PPIH: variants seen among roughly 807,000 people sequenced by gnomAD.
The protein encoded by PPIH is peptidyl-prolyl cis-trans isomerase H.
Under a neutral mutation model 27.6 loss-of-function variants are expected in PPIH, and 16 were observed. The ratio of observed to expected loss-of-function variants is 0.58; its 90% CI spans 0.39 to 0.88. PPIH has a LOEUF of 0.88. PPIH is among the 40% of genes least tolerant of loss of function. The pLI is 0.00. For synonymous variants in PPIH, 63 were observed against 76.1 expected, an observed-to-expected ratio of 0.83 and a Z score of 0.90; for missense variants, 155 against 224.1, an observed-to-expected ratio of 0.69 and a Z score of 1.97.
Position 42,659,563 on chromosome 1 carries a change from A to G in PPIH, c.197A>G (p.His66Arg). 6.2e-7 allele frequency: 1 copy of G among 1,613,736 alleles called. No individual in the cohort carries two copies. The highest frequency in any genetic ancestry group is 8.5e-7 in the Non-Finnish European group (1 of 1,180,014). ...ATAGGATACAAAGGAAGCACCTTCC[A>G]CAGGTAAGGCTCTTGGCAAGCCATC... is the stretch of plus-strand genomic sequence containing the variant. The part of the protein sequence containing the change: ...VPIGYKGSTF[H>R]RVIKDFMIQG... The change falls in exon 4 of 10, where the codon CAC becomes CGC. Residue 66 changes from histidine to arginine, a missense_variant. His to Arg is a conservative substitution (Grantham distance 29). Coordinates refer to ENST00000304979, the MANE Select transcript of PPIH (RefSeq NM_006347.4).
chr1:42,676,424 C>T (rs980850429), intron 9 of PPIH, among the ~76,000 whole-genome samples, 160 bp from the exon 10 acceptor site: 8 of 151,678 alleles, frequency 5.3e-5, no homozygotes, highest in Non-Finnish European at 1.0e-4. Flanking sequence ...GCCGAGATCG[C>T]GCCACTGTAC....
chr1:42,673,490 A>G (rs1649743389), intron 9 of PPIH, among the ~76,000 whole-genome samples: 1 of 152,178 alleles, frequency 6.6e-6, no homozygotes, highest in African/African-American at 2.4e-5. Flanking sequence ...CAAACCTGGT[A>G]CCAGTACCAA....
At chr1:42,664,266 G>A (rs1279704497) in intron 5 of PPIH, among the ~76,000 whole-genome samples, 1 of 152,134 alleles carries the variant, frequency 6.6e-6, no homozygotes, top group African/African-American at 2.4e-5. Context: ...GCTTGCAAAT[G>A]GTAGTCACAT....
intron 9 of PPIH, among the ~76,000 whole-genome samples, chr1:42,669,990 C>T (rs1275065220): frequency 1.3e-5 from 2 of 152,202 alleles, no homozygotes; most frequent in Non-Finnish European, 2.9e-5. Flanking sequence ...GACTCTACAA[C>T]ACACCTTTAT....
intron 5 of PPIH, among the ~76,000 whole-genome samples, chr1:42,661,424 C>G (rs1490556565): frequency 2.0e-5 from 3 of 152,130 alleles, no homozygotes; most frequent in South Asian, 2.1e-4. Flanking sequence ...GAATTTTGCT[C>G]TATTCACTGA....
intron 5 of PPIH, among the ~76,000 whole-genome samples, chr1:42,663,492 G>T (rs1649162518): frequency 6.6e-6 from 1 of 151,986 alleles, no homozygotes; most frequent in Non-Finnish European, 1.5e-5. Context: ...CACCTCCCGG[G>T]TGGGTTCAAG....
chr1:42,662,557 G>C (rs1404842729), intron 5 of PPIH, among the ~76,000 whole-genome samples: 1 of 149,734 alleles, frequency 6.7e-6, no homozygotes, highest in East Asian at 1.9e-4. Flanking sequence ...TTGTCTAAAG[G>C]GAAAAAAAAA....
intron 5 of PPIH, among the ~76,000 whole-genome samples, chr1:42,664,435 T>C (rs923853895): frequency 2.0e-5 from 3 of 152,172 alleles, no homozygotes; most frequent in Admixed American, 2.0e-4. Flanking sequence ...ATGTTGTACA[T>C]ACAGACTGCC....
At chr1:42,672,079 T>A (rs1057164798) in intron 9 of PPIH, among the ~76,000 whole-genome samples, 1 of 152,096 alleles carries the variant, frequency 6.6e-6, no homozygotes, top group African/African-American at 2.4e-5. Flanking sequence ...GAGACAGGGT[T>A]TCACCATCTT....
chr1:42,661,030 G>A, intron 5 of PPIH, 126 bp downstream of exon 5: 2 of 825,224 alleles, frequency 2.4e-6, no homozygotes, highest in Non-Finnish European at 3.9e-6. Context: ...TTTGATGTGG[G>A]TGTTGGAGAG....
chr1:42,659,662 C>G, intron 4 of PPIH, 96 bp downstream of exon 4: 16 of 1,504,370 alleles, frequency 1.1e-5, no homozygotes, highest in Non-Finnish European at 1.4e-5. Flanking sequence ...GTAATTCTTA[C>G]ATTTCTTGAG....
intron 5 of PPIH, among the ~76,000 whole-genome samples, chr1:42,662,056 G>C (rs1649054602): frequency 6.6e-6 from 1 of 152,180 alleles, no homozygotes; most frequent in South Asian, 2.1e-4. Context: ...CCGGGAAACA[G>C]ATAATGGTAG....
At chr1:42,678,127 T>C (rs1465744309), downstream of PPIH, among the ~76,000 whole-genome samples, 1 of 152,180 alleles carries the variant, frequency 6.6e-6, no homozygotes, top group Non-Finnish European at 1.5e-5. Flanking sequence ...AGGACTGTCA[T>C]CTAGTGGAGG....
intron 5 of PPIH, 55 bp from the exon 6 acceptor site, chr1:42,664,808 G>A (rs1288051055): frequency 5.7e-6 from 8 of 1,393,896 alleles, no homozygotes; most frequent in East Asian, 2.4e-5. Flanking sequence ...TTCTTCCTCC[G>A]GTTTCCAGGG....
intron 5 of PPIH, 50 bp from the exon 6 acceptor site, chr1:42,664,813 C>T: frequency 2.1e-6 from 3 of 1,450,626 alleles, no homozygotes; most frequent in Non-Finnish European, 2.9e-6. Flanking sequence ...CCTCCGGTTT[C>T]CAGGGACCCA....
intron 7 of PPIH, 76 bp downstream of exon 7, chr1:42,666,143 C>T (rs1182643123): frequency 7.1e-7 from 1 of 1,399,254 alleles, no homozygotes; most frequent in Non-Finnish European, 1.0e-6. Context: ...AGTTCTCAAA[C>T]TCTTACCAAG....
downstream of PPIH, among the ~76,000 whole-genome samples, chr1:42,679,648 A>C (rs186742382): frequency 1.1e-4 from 17 of 152,394 alleles, no homozygotes; most frequent in East Asian, 2.3e-3. Flanking sequence ...CAAAGCAGTT[A>C]CATAGTGAGG....
At chr1:42,678,124 T>C (rs144251345), downstream of PPIH, among the ~76,000 whole-genome samples, 4 of 152,308 alleles carry the variant, frequency 2.6e-5, no homozygotes, top group East Asian at 7.7e-4. Context: ...GAAAGGACTG[T>C]CATCTAGTGG....
chr1:42,673,065 G>A (rs1375296409), intron 9 of PPIH, among the ~76,000 whole-genome samples: 1 of 152,074 alleles, frequency 6.6e-6, no homozygotes, highest in African/African-American at 2.4e-5. Context: ...CGCAGTCACA[G>A]CTCACTGCAG....
Sources: gnomAD v4.1 joint callset for allele counts (sites outside exome capture counted in the v4.1 genomes callset) on GRCh38, gnomAD v4.1.1 for gene constraint, MANE v1.5 for transcripts, NCBI Gene and HGNC (gene_info 2026-07-23, HGNC 2026-07-21) for gene names.